The following NUP58 variants were observed in gnomAD, a reference collection of about 807,000 sequenced individuals.
NUP58 encodes nucleoporin p58/p45.
In NUP58, 17 loss-of-function variants were observed where a neutral mutation model predicts 70.1. The observed-to-expected ratio is 0.24, with a 90% CI of 0.17 to 0.36. The LOEUF (loss-of-function observed/expected upper bound fraction) is 0.36. Ranked by LOEUF, NUP58 falls within the 10% of genes least tolerant of loss-of-function variation. NUP58 has a pLI of 1.00. For synonymous variants in NUP58, 275 were observed against 257.6 expected (o/e 1.07, Z -0.65); for missense variants, 644 against 701.5 (o/e 0.92, Z 0.93).
In NUP58 at chr13:25,301,808, T is replaced by C. The variant is rs753198507; in HGVS notation, c.35T>C (p.Leu12Pro). Residue 12 changes from leucine to proline, a missense_variant, in exon 1 of 16, where the codon CTG (leucine) becomes CCG (proline). Physicochemically the swap from Leu to Pro is moderately conservative, Grantham distance 98 (BLOSUM62 -3). This residue lies in a region of NUP58 where 430 missense variants were observed against 409.2 expected (regional missense o/e 1.05). Transcript: ENST00000381736. ...STGFSFGSGT[L>P]GSTTVAAGGT... ...GGGTTCTCCTTCGGGTCCGGGACTC[T>C]GGGCTCCACCACCGTGGCCGCCGGC... 3.7e-6 allele frequency: 6 copies of C among 1,613,630 alleles called. No homozygotes were observed. Among genetic ancestry groups the C allele is most frequent in the South Asian group, 3.3e-5 (3 of 91,022 alleles).
chr13:25,346,888 A>T (rs551654304), downstream of NUP58, among the ~76,000 whole-genome samples: 2 of 152,308 alleles, frequency 1.3e-5, no homozygotes, highest in African/African-American at 4.8e-5. Flanking sequence ...GTTAAATTTG[A>T]ACAACATAAA....
At chr13:25,346,024 T>A (rs2032045306), downstream of NUP58, among the ~76,000 whole-genome samples, 1 of 152,222 alleles carries the variant, frequency 6.6e-6, no homozygotes, top group South Asian at 2.1e-4. Context: ...AGAACTCCTT[T>A]CTTGTCATCA....
At chr13:25,327,310 G>A in intron 11 of NUP58, 120 bp from the exon 12 acceptor site, 1 of 609,116 alleles carries the variant, frequency 1.6e-6, no homozygotes, top group Non-Finnish European at 2.9e-6. Context: ...TGAGAACGTT[G>A]ATAGAGTTTT....
chr13:25,343,358 T>C (rs1192176203), downstream of NUP58, among the ~76,000 whole-genome samples: 1 of 151,856 alleles, frequency 6.6e-6, no homozygotes, highest in Non-Finnish European at 1.5e-5. Context: ...AGTTTTAGGG[T>C]ACATGTGCAC....
rs1241882536 is a variant in NUP58, at chr13:25,324,991, G to A, written c.954G>A (p.Glu318=). The A allele has an allele frequency of 1.9e-6, 3 of 1,573,200 alleles. No homozygotes were observed. Among genetic ancestry groups the A allele is most frequent in the Admixed American group, 3.5e-5 (2 of 57,874 alleles). ...IDKLKIETAQ[E]LKNAEIALRT... Reference sequence around the variant, plus strand: ...TTTTAAATCCTCTGGTATATTAGGAGTTGAAGAATGCTGAAATAGCTTTAA... The same window carrying A: ...TTTTAAATCCTCTGGTATATTAGGAATTGAAGAATGCTGAAATAGCTTTAA... The change falls in exon 10 of 16, where the codon GAG becomes GAA. Residue 318 remains glutamate, a splice_region_variant and synonymous_variant. Coordinates refer to ENST00000381736, the MANE Select transcript of NUP58 (RefSeq NM_014089.4).
downstream of NUP58, among the ~76,000 whole-genome samples, chr13:25,343,353 T>G (rs1293421480): frequency 2.0e-5 from 3 of 151,838 alleles, no homozygotes; most frequent in Non-Finnish European, 4.4e-5. Context: ...CTTTAAGTTT[T>G]AGGGTACATG....
At position 25,323,761 on chromosome 13, in the gene NUP58, G is replaced by A. The variant is rs548190145; in HGVS notation, c.952-1228G>A. ...GGTTCTTTTGGGGTAAGTGGGGGCCGCATGGTTTATTGAAGTTAAATTACT... is the reference window on the plus strand; with the variant it reads ...GGTTCTTTTGGGGTAAGTGGGGGCCACATGGTTTATTGAAGTTAAATTACT... On this transcript the variant is annotated intron_variant, in intron 9 of 15. Coordinates refer to ENST00000381736, the MANE Select transcript of NUP58 (RefSeq NM_014089.4). Among the ~76,000 whole-genome samples the A allele has an allele frequency of 4.6e-5, 7 of 152,172 alleles. No homozygotes were observed. The South Asian group carries it at 8.3e-4, about 18-fold the overall frequency.
At chr13:25,320,788 A>C in intron 8 of NUP58, 131 bp from the exon 9 acceptor site, 1 of 741,674 alleles carries the variant, frequency 1.3e-6, no homozygotes, top group South Asian at 2.2e-5. Context: ...CATTCTGTAA[A>C]AAAGTGTGAA....
chr13:25,336,316 C>A, intron 13 of NUP58: 1 of 1,164,630 alleles, frequency 8.6e-7, no homozygotes, highest in Non-Finnish European at 1.2e-6. Context: ...ATTTGCTTTA[C>A]AATGAACAAT....
intron 3 of NUP58, among the ~76,000 whole-genome samples, chr13:25,349,187 G>T (rs1402103339): frequency 6.6e-6 from 1 of 152,174 alleles, no homozygotes; most frequent in East Asian, 1.9e-4. Flanking sequence ...CAGGACAGGA[G>T]CCCTGTCTTA....
chr13:25,304,975 C>T (rs1412913288), intron 1 of NUP58, among the ~76,000 whole-genome samples: 3 of 152,142 alleles, frequency 2.0e-5, no homozygotes, highest in African/African-American at 4.8e-5. Context: ...GTTGTACTAC[C>T]TATGTTGTCT....
chr13:25,337,002 A>T lies in NUP58; in HGVS notation c.1502A>T (p.Gln501Leu), dbSNP rs150965581. The change falls in exon 14 of 16, where the codon CAA becomes CTA. Residue 501 changes from glutamine (Q) to leucine (L), a missense_variant. Physicochemically the swap from Gln to Leu is moderately radical, Grantham distance 113 (BLOSUM62 -2). Coordinates refer to ENST00000381736, the MANE Select transcript of NUP58 (RefSeq NM_014089.4). ...PFGSGIGTGL[Q>L]SSGLGSSNLG... ...GGCTCAGGTATTGGCACTGGCTTGC[A>T]ATCAAGTGGCTTAGGTTCTTCAAAC... The T allele has an allele frequency of 6.2e-7, 1 of 1,609,242 alleles. No homozygotes were observed. Among genetic ancestry groups the T allele is most frequent in the South Asian group, 1.1e-5 (1 of 90,398 alleles).
intron 10 of NUP58, among the ~76,000 whole-genome samples, chr13:25,326,423 T>C (rs576182420): frequency 2.8e-4 from 43 of 152,252 alleles, no homozygotes; most frequent in Admixed American, 2.4e-3. Context: ...TGTAGTATAC[T>C]ATGGTGTTCT....
Position 25,320,534 on chromosome 13 carries a change from A to G in NUP58, c.715A>G (p.Ser239Gly). 2 of 1,607,810 alleles carry G rather than the reference A, an allele frequency of 1.2e-6. No homozygotes were observed. Among genetic ancestry groups the G allele is most frequent in the Non-Finnish European group, 1.7e-6 (2 of 1,175,538 alleles). The part of the protein sequence containing the change: ...SDKTGTRPED[S>G]KALKDENLPP... Reference sequence around the variant, plus strand: ...CATGTTTTGCATTTTTCTTAGGGATAGTAAAGCTCTGAAGGATGAAAATCT... The same window carrying G: ...CATGTTTTGCATTTTTCTTAGGGATGGTAAAGCTCTGAAGGATGAAAATCT... The change falls in exon 8 of 16, where the codon AGT becomes GGT. Residue 239 changes from serine (S) to glycine (G), a missense_variant. By Grantham distance (56) the Ser-to-Gly change is moderately conservative. Around this residue, in one of 4 missense-constraint regions of NUP58, gnomAD observed 430 missense variants for 409.2 expected, o/e 1.05. Transcript: ENST00000381736.
At chr13:25,326,264 A>G (rs547746839) in intron 10 of NUP58, among the ~76,000 whole-genome samples, 2 of 152,046 alleles carry the variant, frequency 1.3e-5, no homozygotes, top group South Asian at 4.1e-4. Flanking sequence ...TAATTTTGCA[A>G]AATGCATTCA....
intron 9 of NUP58, 68 bp from the exon 10 acceptor site, chr13:25,324,921 C>G (rs1258702408): frequency 4.0e-6 from 4 of 1,002,102 alleles, no homozygotes; most frequent in South Asian, 1.4e-5. Flanking sequence ...TATTTTTTTT[C>G]GTACGGTATT....
chr13:25,338,941 T>C (rs911725056), intron 15 of NUP58: 6 of 358,154 alleles, frequency 1.7e-5, no homozygotes, highest in African/African-American at 4.2e-5. Context: ...CTAACAAGAC[T>C]TCTTAGTTTG....
chr13:25,308,025 T>C, intron 2 of NUP58, 77 bp downstream of exon 2: 2 of 1,524,320 alleles, frequency 1.3e-6, no homozygotes, highest in South Asian at 2.4e-5. Flanking sequence ...TATCTCTCTT[T>C]ACAAGGATCA....
chr13:25,305,328 G>C (rs1172207732), intron 1 of NUP58, among the ~76,000 whole-genome samples: 2 of 151,560 alleles, frequency 1.3e-5, no homozygotes, highest in African/African-American at 4.9e-5. Context: ...TTGTTTTTTG[G>C]AAGTTTTTTG....
Sources: gnomAD v4.1 joint callset for allele counts (sites outside exome capture counted in the v4.1 genomes callset) on GRCh38, gnomAD v4.1.1 for gene constraint, gnomAD v4.1.1 regional missense constraint, MANE v1.5 for transcripts, NCBI Gene and HGNC (gene_info 2026-07-23, HGNC 2026-07-21) for gene names.